FAM171A1: variants seen among roughly 807,000 people sequenced by gnomAD.
FAM171A1 encodes protein FAM171A1.
In FAM171A1, 23 loss-of-function variants were observed where a neutral mutation model predicts 74.9. The ratio of observed to expected loss-of-function variants is 0.31; its 90% CI spans 0.22 to 0.44. The LOEUF is 0.44. FAM171A1 is among the 20% of genes least tolerant of loss of function. FAM171A1 has a pLI of 1.00. For synonymous variants in FAM171A1, 527 were observed against 505.7 expected (o/e 1.04, Z -0.57); for missense variants, 1,162 against 1,159.2 (o/e 1.00, Z -0.03).
chr10:15,251,848 TC>T (rs1408258057), intron 4 of FAM171A1, among the ~76,000 whole-genome samples: 2 of 152,152 alleles, frequency 1.3e-5, no homozygotes, highest in Non-Finnish European at 2.9e-5. Flanking sequence ...GTTGCCTGGC[TC>T]CCTTTAAGTC....
At chr10:15,298,498 T>C (rs1464737051) in intron 1 of FAM171A1, among the ~76,000 whole-genome samples, 1 of 152,170 alleles carries the variant, frequency 6.6e-6, no homozygotes, top group Non-Finnish European at 1.5e-5. Context: ...AAGGTCTATA[T>C]GAAAATAGGA....
chr10:15,295,880 G>C (rs1341038284), intron 1 of FAM171A1, among the ~76,000 whole-genome samples: 2 of 152,206 alleles, frequency 1.3e-5, no homozygotes, highest in Admixed American at 6.5e-5. Flanking sequence ...ATTTAGGGGA[G>C]TTACGACGGC....
chr10:15,262,361 C>T (rs1834669193), intron 3 of FAM171A1, among the ~76,000 whole-genome samples: 1 of 152,146 alleles, frequency 6.6e-6, no homozygotes, highest in South Asian at 2.1e-4. Context: ...ACAGAAAAGG[C>T]AGCTGGAGTG....
At chr10:15,359,465 T>C (rs2131887677) in intron 1 of FAM171A1, among the ~76,000 whole-genome samples, 1 of 152,108 alleles carries the variant, frequency 6.6e-6, no homozygotes, top group African/African-American at 2.4e-5. Context: ...CTTCTCAACA[T>C]CCTCAAGGGC....
chr10:15,296,048 G>T (rs1835157349), intron 1 of FAM171A1, among the ~76,000 whole-genome samples: 2 of 152,306 alleles, frequency 1.3e-5, no homozygotes, highest in African/African-American at 4.8e-5. Flanking sequence ...CATGTGCATT[G>T]AATTTCCATG....
At chr10:15,216,406 G>C (rs1042849634) in intron 6 of FAM171A1, among the ~76,000 whole-genome samples, 2 of 152,118 alleles carry the variant, frequency 1.3e-5, no homozygotes, top group African/African-American at 4.8e-5. Context: ...GGTAGCATGT[G>C]CCGCATTTGA....
chr10:15,371,490 GC>G (rs1207946825), upstream of FAM171A1, among the ~76,000 whole-genome samples: 2 of 151,800 alleles, frequency 1.3e-5, no homozygotes, highest in Non-Finnish European at 2.9e-5. Flanking sequence ...GCCTTTCAGG[GC>G]GGAGCCCTTT....
chr10:15,217,029 A>C (rs1833975835), intron 6 of FAM171A1, among the ~76,000 whole-genome samples: 1 of 152,184 alleles, frequency 6.6e-6, no homozygotes, highest in African/African-American at 2.4e-5. Flanking sequence ...ATCTTTAAAA[A>C]CAAGATCTTT....
At chr10:15,267,374 G>C (rs1030433826) in intron 3 of FAM171A1, among the ~76,000 whole-genome samples, 4 of 152,004 alleles carry the variant, frequency 2.6e-5, no homozygotes, top group African/African-American at 7.3e-5. Flanking sequence ...GGAAGCTGAG[G>C]GGGGCAGATC....
Position 15,284,016 on chromosome 10 carries a change from T to G in FAM171A1, c.187A>C (p.Ile63Leu), listed in dbSNP as rs146159547. 8.1e-6 allele frequency: 13 copies of G among 1,614,046 alleles called. No individual in the cohort carries two copies. The highest frequency in any genetic ancestry group is 1.1e-5 in the Non-Finnish European group (13 of 1,180,032). The change falls in exon 2 of 8, where the codon ATA becomes CTA. Residue 63 changes from isoleucine to leucine, a missense_variant. By Grantham distance (5) the Ile-to-Leu change is conservative. Coordinates refer to ENST00000378116, the MANE Select transcript of FAM171A1 (RefSeq NM_001010924.2). Reference sequence around the variant, plus strand: ...TCAGTCCCCGAGGTGCCAGAGGCTATGGAGGCCTGGTTGGTGAAGATCTCG... The same window carrying G: ...TCAGTCCCCGAGGTGCCAGAGGCTAGGGAGGCCTGGTTGGTGAAGATCTCG... ...LIEIFTNQAS[I>L]ASGTSGTDGV...
chr10:15,371,337 G>A (rs991052849), upstream of FAM171A1, among the ~76,000 whole-genome samples: 4 of 145,314 alleles, frequency 2.8e-5, no homozygotes, highest in Non-Finnish European at 4.6e-5. Context: ...CCGCGCCCAG[G>A]CCCCGGGCCC....
At chr10:15,297,799 A>G (rs577936226) in intron 1 of FAM171A1, among the ~76,000 whole-genome samples, 31 of 152,344 alleles carry the variant, frequency 2.0e-4, no homozygotes, top group African/African-American at 7.0e-4. Flanking sequence ...TAAGTTAAAC[A>G]GCAGAAGTTC....
intron 1 of FAM171A1, among the ~76,000 whole-genome samples, chr10:15,303,673 T>TAC (rs1453795869): frequency 1.3e-5 from 2 of 152,250 alleles, no homozygotes; most frequent in Non-Finnish European, 2.9e-5. Flanking sequence ...GTCTTACATT[T>TAC]ACAAGTTGAT....
At chr10:15,328,642 T>G (rs983276532) in intron 1 of FAM171A1, among the ~76,000 whole-genome samples, 2 of 152,204 alleles carry the variant, frequency 1.3e-5, no homozygotes, top group Non-Finnish European at 2.9e-5. Context: ...TCTGGCTGCT[T>G]CTACTTGGTT....
intron 1 of FAM171A1, among the ~76,000 whole-genome samples, chr10:15,293,643 T>C (rs1012587016): frequency 6.6e-5 from 10 of 152,106 alleles, no homozygotes; most frequent in African/African-American, 2.2e-4. Flanking sequence ...AAGATCTGAA[T>C]GCATTCATAG....
chr10:15,214,226 C>A lies in FAM171A1; in HGVS notation c.1362G>T (p.Gly454=), dbSNP rs774179594. ...FDNLTPSGTL[G]KDYHKSVEVF... is the part of the protein sequence containing the mutation. ...CCTCCACTGACTTATGGTAGTCTTT[C>A]CCCAGCGTCCCACTTGGAGTGAGGT... The change falls in exon 8 of 8, where the codon GGG becomes GGT. Residue 454 remains glycine, a synonymous_variant. Transcript: ENST00000378116. The A allele has an allele frequency of 2.3e-5, 37 of 1,614,038 alleles. No individual in the cohort carries two copies. The Admixed American group carries it at 3.7e-4, about 16-fold the overall frequency.
intron 1 of FAM171A1, among the ~76,000 whole-genome samples, chr10:15,291,261 C>T (rs1835099082): frequency 6.6e-6 from 1 of 152,154 alleles, no homozygotes; most frequent in South Asian, 2.1e-4. Flanking sequence ...CTAGAGCCAG[C>T]AGGTGGTCAA....
chr10:15,321,132 G>A (rs920879946), intron 1 of FAM171A1, among the ~76,000 whole-genome samples: 2 of 152,208 alleles, frequency 1.3e-5, no homozygotes, highest in Non-Finnish European at 2.9e-5. Context: ...CTGGGGAAAG[G>A]TAGTCAAGAT....
intron 1 of FAM171A1, among the ~76,000 whole-genome samples, chr10:15,353,479 C>A (rs1835901023): frequency 6.6e-6 from 1 of 151,882 alleles, no homozygotes; most frequent in African/African-American, 2.4e-5. Context: ...CACATGAAAC[C>A]CTAAATAGAC....
Sources: gnomAD v4.1 joint callset for allele counts (sites outside exome capture counted in the v4.1 genomes callset) on GRCh38, gnomAD v4.1.1 for gene constraint, MANE v1.5 for transcripts, NCBI Gene and HGNC (gene_info 2026-07-23, HGNC 2026-07-21) for gene names.